Variants in GPC6 observed in about 807,000 individuals in gnomAD.
GPC6 encodes the protein glypican 6, also known as glypican-6.
GPC6 carries 14 observed loss-of-function variants against 55.2 expected under a neutral mutation model. The ratio of observed to expected loss-of-function variants is 0.25; its 90% CI spans 0.17 to 0.40. The LOEUF (loss-of-function observed/expected upper bound fraction) is 0.40. Ranked by LOEUF, GPC6 falls within the 10% of genes least tolerant of loss-of-function variation. The pLI, the probability that GPC6 is intolerant of heterozygous loss-of-function variation, is 1.00. For synonymous variants in GPC6, 278 were observed against 259.6 expected (o/e 1.07, Z -0.68); for missense variants, 641 against 708.5 (o/e 0.90, Z 1.08).
At chr13:94,383,534 C>G (rs541718858) in intron 7 of GPC6, among the ~76,000 whole-genome samples, 20 of 152,260 alleles carry the variant, frequency 1.3e-4, no homozygotes, top group African/African-American at 4.8e-4. Context: ...AGTTTGAAAC[C>G]AGCCTGAGCA....
intron 6 of GPC6, among the ~76,000 whole-genome samples, chr13:94,340,903 AG>A (rs1399748032): frequency 6.6e-6 from 1 of 152,262 alleles, no homozygotes; most frequent in Non-Finnish European, 1.5e-5. Context: ...TCATATTAAA[AG>A]TATTTAGTAC....
chr13:93,941,306 AT>A (rs1053878173), intron 3 of GPC6, among the ~76,000 whole-genome samples: 59 of 152,250 alleles, frequency 3.9e-4, no homozygotes, highest in Non-Finnish European at 7.2e-4. Flanking sequence ...GATGCAGCAG[AT>A]TTTTTTTCTC....
At chr13:93,249,935 A>G (rs889286802) in intron 1 of GPC6, among the ~76,000 whole-genome samples, 1 of 152,124 alleles carries the variant, frequency 6.6e-6, no homozygotes, top group African/African-American at 2.4e-5. Context: ...TTTCCGCAGG[A>G]GCTCCCACTT....
At chr13:93,328,965 G>T (rs993050421) in intron 1 of GPC6, among the ~76,000 whole-genome samples, 12 of 152,112 alleles carry the variant, frequency 7.9e-5, no homozygotes, top group Non-Finnish European at 1.0e-4. Context: ...CAGGGCTGCA[G>T]ATTCTGATAC....
intron 4 of GPC6, among the ~76,000 whole-genome samples, chr13:94,100,245 A>C (rs1885807329): frequency 1.3e-5 from 2 of 150,454 alleles, no homozygotes; most frequent in African/African-American, 4.8e-5. Flanking sequence ...CTAAGCAAAT[A>C]GAGTTTTTAT....
chr13:93,650,172 C>A (rs928141794), intron 2 of GPC6, among the ~76,000 whole-genome samples: 3 of 151,918 alleles, frequency 2.0e-5, no homozygotes, highest in Non-Finnish European at 2.9e-5. Context: ...ATCTAAGGAA[C>A]CTGAATTAAC....
At chr13:93,964,327 A>G (rs531060645) in intron 3 of GPC6, among the ~76,000 whole-genome samples, 2 of 152,294 alleles carry the variant, frequency 1.3e-5, no homozygotes, top group South Asian at 4.2e-4. Context: ...GTCCACACAT[A>G]ATGATATCAT....
intron 3 of GPC6, among the ~76,000 whole-genome samples, chr13:93,992,622 A>G (rs919943111): frequency 1.3e-5 from 2 of 152,200 alleles, no homozygotes; most frequent in Admixed American, 1.3e-4. Flanking sequence ...GACAATGTTT[A>G]GTGATGACAG....
chr13:93,936,887 C>T (rs1438664240), intron 3 of GPC6, among the ~76,000 whole-genome samples: 1 of 152,146 alleles, frequency 6.6e-6, no homozygotes, highest in Non-Finnish European at 1.5e-5. Flanking sequence ...ATGTTATGGC[C>T]TCCTACTTCT....
intron 1 of GPC6, among the ~76,000 whole-genome samples, chr13:93,306,568 G>A (rs1878864458): frequency 6.6e-6 from 1 of 151,980 alleles, no homozygotes; most frequent in East Asian, 1.9e-4. Flanking sequence ...TACTTTACCA[G>A]AGGAAAAAAT....
At chr13:93,891,155 C>T (rs1875657286) in intron 3 of GPC6, among the ~76,000 whole-genome samples, 1 of 151,960 alleles carries the variant, frequency 6.6e-6, no homozygotes, top group South Asian at 2.1e-4. Flanking sequence ...TTCAGTCTAC[C>T]CTATTACTTT....
intron 1 of GPC6, among the ~76,000 whole-genome samples, chr13:93,272,702 TA>T (rs150824543): frequency 2.0e-4 from 31 of 152,236 alleles, no homozygotes; most frequent in African/African-American, 7.2e-4. Flanking sequence ...AGTGATTCCG[TA>T]AATGAGGTCA....
intron 2 of GPC6, among the ~76,000 whole-genome samples, chr13:93,763,113 A>G (rs1437691926): frequency 2.6e-5 from 4 of 152,216 alleles, no homozygotes; most frequent in Non-Finnish European, 5.9e-5. Flanking sequence ...AAGAGCAACT[A>G]TTAATTCAGT....
chr13:93,985,721 A>G (rs1881000095), intron 3 of GPC6, among the ~76,000 whole-genome samples: 2 of 151,416 alleles, frequency 1.3e-5, no homozygotes, highest in Admixed American at 1.3e-4. Flanking sequence ...AAATTAAAAA[A>G]CGGAGATTGC....
In GPC6 at chr13:93,658,732, A is replaced by G. The variant is rs145481190; in HGVS notation, c.319+113311A>G. Among the ~76,000 whole-genome samples, 18 of 151,862 alleles carry G rather than the reference A, an allele frequency of 1.2e-4. No homozygotes were observed. In the East Asian group the frequency reaches 3.5e-3, roughly 29 times the overall value. Reference sequence around the variant, plus strand: ...TTAGTTATTACTAATATTAAATATTATAGCATATTATAAAACATACTTAAT... The same window carrying G: ...TTAGTTATTACTAATATTAAATATTGTAGCATATTATAAAACATACTTAAT... On this transcript the variant is annotated intron_variant, in intron 2 of 8. Coordinates refer to ENST00000377047, the MANE Select transcript of GPC6 (RefSeq NM_005708.5).
At chr13:93,506,895 A>C (rs1594221069) in intron 1 of GPC6, among the ~76,000 whole-genome samples, 1 of 424 alleles carries the variant, frequency 2.4e-3, no homozygotes, top group African/African-American at 2.9e-3. Flanking sequence ...AAGAAAATAC[A>C]AAAAAAAAAA....
At chr13:94,010,152 A>G (rs1390954908) in intron 3 of GPC6, among the ~76,000 whole-genome samples, 1 of 152,234 alleles carries the variant, frequency 6.6e-6, no homozygotes, top group Non-Finnish European at 1.5e-5. Flanking sequence ...ACATTATGCT[A>G]ACATGGCTGT....
chr13:94,095,106 A>G (rs1566397996), intron 4 of GPC6, among the ~76,000 whole-genome samples: 1 of 152,180 alleles, frequency 6.6e-6, no homozygotes, highest in Non-Finnish European at 1.5e-5. Flanking sequence ...AAATATGTCT[A>G]TAGATTAAGA....
chr13:93,901,188 C>G (rs1876330927), intron 3 of GPC6, among the ~76,000 whole-genome samples: 1 of 152,122 alleles, frequency 6.6e-6, no homozygotes. Context: ...ACTGATTTCT[C>G]TGCTTAGAAG....
Sources: gnomAD v4.1 joint callset for allele counts (sites outside exome capture counted in the v4.1 genomes callset) on GRCh38, gnomAD v4.1.1 for gene constraint, MANE v1.5 for transcripts, NCBI Gene and HGNC (gene_info 2026-07-23, HGNC 2026-07-21) for gene names.